Variants in SHROOM3 observed in about 807,000 individuals in gnomAD.
SHROOM3 encodes the protein shroom family member 3, also known as protein Shroom3.
SHROOM3 carries 47 observed loss-of-function variants against 138.6 expected under a neutral mutation model. The ratio of observed to expected loss-of-function variants is 0.34; its 90% confidence interval spans 0.27 to 0.43. The LOEUF (loss-of-function observed/expected upper bound fraction) is 0.43. Ranked by LOEUF, SHROOM3 falls within the 20% of genes least tolerant of loss-of-function variation. The probability of loss-of-function intolerance (pLI) is 1.00; values close to 1 mark genes in which losing one functional copy is unlikely to be tolerated. For synonymous variants in SHROOM3, 1,062 were observed against 1,063.3 expected (o/e 1.00, Z 0.02); for missense variants, 2,491 against 2,596.5 (o/e 0.96, Z 0.88).
chr4:76,644,665 T>G (rs1376834161), intron 2 of SHROOM3, among the ~76,000 whole-genome samples: 5 of 152,162 alleles, frequency 3.3e-5, no homozygotes, highest in Non-Finnish European at 7.3e-5. Context: ...CATTGTGTAA[T>G]AATCAAATCA....
At position 76,436,089 on chromosome 4, in the gene SHROOM3, G is replaced by A. The variant is rs779035373; in HGVS notation, c.37G>A (p.Ala13Thr). 1.9e-6 allele frequency: 3 copies of A among 1,614,010 alleles called. No homozygotes were observed. The highest frequency in any genetic ancestry group is 2.2e-5 in the South Asian group (2 of 91,074). ...CACTGAAGACTTCCACAAGCCTAGT[G>A]CCACATTAAACTCTAACACGGCCAC... Reference protein sequence around the residue: ...RTTEDFHKPSATLNSNTATKG... With the variant: ...RTTEDFHKPSTTLNSNTATKG... The change falls in exon 1 of 11, where the codon GCC becomes ACC. Residue 13 changes from alanine to threonine, a missense_variant. By Grantham distance (58) the Ala-to-Thr change is moderately conservative. This residue lies in a region of SHROOM3 where 284 missense variants were observed against 322.8 expected (regional missense o/e 0.88). Transcript: ENST00000296043.
chr4:76,685,750 G>A (rs1022125011), intron 2 of SHROOM3, among the ~76,000 whole-genome samples: 2 of 152,110 alleles, frequency 1.3e-5, no homozygotes, highest in South Asian at 2.1e-4. Flanking sequence ...AGGCTGACAC[G>A]GGCAGATCAC....
At chr4:76,735,038 G>C (rs1720994426) in intron 4 of SHROOM3, among the ~76,000 whole-genome samples, 1 of 152,098 alleles carries the variant, frequency 6.6e-6, no homozygotes, top group South Asian at 2.1e-4. Flanking sequence ...AAATTTCCTG[G>C]GTTTGAGTTT....
At position 76,555,711 on chromosome 4, in the gene SHROOM3, G is replaced by A; in HGVS notation, c.271G>A (p.Ala91Thr). The A allele has an allele frequency of 6.2e-7, 1 of 1,614,022 alleles. No homozygotes were observed. ...GACTCTGAGCAGCTCCAGAAAGGAG[G>A]CAGTTTCCCTGGTGAAAGGATCCTA... ...EVTLSSSRKE[A>T]VSLVKGSYKT... Residue 91 changes from alanine (A) to threonine (T), a missense_variant, in exon 2 of 11, where the codon GCA becomes ACA. Transcript: ENST00000296043.
intron 2 of SHROOM3, among the ~76,000 whole-genome samples, chr4:76,562,964 G>T (rs1733629618): frequency 6.6e-6 from 1 of 152,082 alleles, no homozygotes; most frequent in Non-Finnish European, 1.5e-5. Flanking sequence ...CCAATTCTCA[G>T]ATATGAAATT....
At chr4:76,610,188 G>A (rs1263255456) in intron 2 of SHROOM3, among the ~76,000 whole-genome samples, 1 of 152,324 alleles carries the variant, frequency 6.6e-6, no homozygotes, top group Non-Finnish European at 1.5e-5. Flanking sequence ...TAACCACCAT[G>A]TGGCAGTTGT....
intron 1 of SHROOM3, among the ~76,000 whole-genome samples, chr4:76,545,093 CTTTTTTTT>C (rs900338107): frequency 2.1e-4 from 32 of 149,898 alleles, no homozygotes; most frequent in South Asian, 1.1e-3. Context: ...TTCTTTTTTT[CTTTTTTTT>C]TTCTTTTTTT....
intron 10 of SHROOM3, among the ~76,000 whole-genome samples, chr4:76,776,584 G>A (rs533361469): frequency 6.6e-6 from 1 of 152,286 alleles, no homozygotes; most frequent in South Asian, 2.1e-4. Context: ...AAAAATGAAA[G>A]ACTAATTACA....
At chr4:76,710,354 G>T in intron 3 of SHROOM3, 67 bp downstream of exon 3, 2 of 1,595,790 alleles carry the variant, frequency 1.3e-6, no homozygotes, top group South Asian at 2.2e-5. Flanking sequence ...CCACTCAGCT[G>T]CTGGGAGAGG....
At chr4:76,626,786 G>A (rs10223020) in intron 2 of SHROOM3, among the ~76,000 whole-genome samples, 44,896 of 151,952 alleles carry the variant, frequency 0.3, 6,985 homozygotes, top group East Asian at 0.51. Flanking sequence ...TGGTCTCTTG[G>A]TCCAAAAGCT....
At chr4:76,589,205 C>T (rs912733437) in intron 2 of SHROOM3, among the ~76,000 whole-genome samples, 13 of 152,366 alleles carry the variant, frequency 8.5e-5, no homozygotes, top group African/African-American at 2.2e-4. Context: ...CGGTGGCTGA[C>T]GCCTGTAATC....
At position 76,741,173 on chromosome 4, in the gene SHROOM3, C is replaced by A; in HGVS notation, c.3000C>A (p.Pro1000=). The A allele has an allele frequency of 6.3e-7, 1 of 1,586,998 alleles. No homozygotes were observed. The highest frequency in any genetic ancestry group is 8.6e-7 in the Non-Finnish European group (1 of 1,167,942). The change falls in exon 5 of 11, where the codon CCC becomes CCA. Residue 1000 remains proline (P), a synonymous_variant. Coordinates refer to ENST00000296043, the MANE Select transcript of SHROOM3 (RefSeq NM_020859.4). This position sits in a 1 kb window ranked among gnomAD's most constrained non-coding sequence, Gnocchi z 6.2. The part of the protein sequence containing the change: ...PAEGDLARPV[P]PAARRGARRR... ...AGGGCGACCTGGCCAGGCCCGTGCC[C>A]CCTGCCGCCCGGAGAGGTGCTCGCC...
At chr4:76,710,818 A>T (rs1720208299) in intron 3 of SHROOM3, among the ~76,000 whole-genome samples, 1 of 152,180 alleles carries the variant, frequency 6.6e-6, no homozygotes, top group Non-Finnish European at 1.5e-5. Context: ...CCCATGTGCT[A>T]GGTGTCCTGG....
In SHROOM3 at chr4:76,552,006, C is replaced by T. The variant is rs377148325; in HGVS notation, c.169-3603C>T. ...CCTCCCGAGTAGCTGGGACTACAGG[C>T]GCCCGCCATCACGCCCGGCTAATTT... is the stretch of plus-strand genomic sequence containing the variant. On this transcript the variant is annotated intron_variant, in intron 1 of 10. Coordinates refer to ENST00000296043, the MANE Select transcript of SHROOM3 (RefSeq NM_020859.4). 2.8e-4 allele frequency among the ~76,000 whole-genome samples: 39 copies of T among 141,134 alleles called. 1 individual carries two copies. Among genetic ancestry groups the T allele is most frequent in the Admixed American group, 1.3e-3 (19 of 14,294 alleles). 92.6% of individuals were successfully genotyped at this position (141,134 alleles called of 152,430 possible).
intron 2 of SHROOM3, among the ~76,000 whole-genome samples, chr4:76,621,880 A>G (rs944845535): frequency 6.2e-5 from 9 of 144,418 alleles, no homozygotes; most frequent in African/African-American, 2.3e-4. Context: ...CCCAGGCTGG[A>G]GTGCAATGAC....
intron 9 of SHROOM3, among the ~76,000 whole-genome samples, chr4:76,761,488 T>C (rs1018510160): frequency 2.6e-5 from 4 of 152,178 alleles, no homozygotes; most frequent in Admixed American, 2.0e-4. Flanking sequence ...CCACATTTTA[T>C]GCTAATCAGA....
chr4:76,493,730 C>T (rs1049186846), intron 1 of SHROOM3, among the ~76,000 whole-genome samples: 1 of 152,102 alleles, frequency 6.6e-6, no homozygotes, highest in Admixed American at 6.5e-5. Context: ...CCTGTAATCC[C>T]AACATTTTGG....
At chr4:76,727,777 A>G (rs1720753082) in intron 3 of SHROOM3, among the ~76,000 whole-genome samples, 1 of 151,272 alleles carries the variant, frequency 6.6e-6, no homozygotes, top group African/African-American at 2.4e-5. Context: ...AATCCCAGCT[A>G]CTTGGGAGGC....
At chr4:76,726,529 A>G (rs1577998522) in intron 3 of SHROOM3, among the ~76,000 whole-genome samples, 1 of 93,026 alleles carries the variant, frequency 1.1e-5, no homozygotes, top group South Asian at 3.4e-4. Context: ...CTCCACTCCC[A>G]TCCCCTCCAT....
Sources: gnomAD v4.1 joint callset for allele counts (sites outside exome capture counted in the v4.1 genomes callset) on GRCh38, gnomAD v4.1.1 for gene constraint, gnomAD v4.1.1 regional missense constraint, Gnocchi (gnomAD v3.1) non-coding constraint, MANE v1.5 for transcripts, NCBI Gene and HGNC (gene_info 2026-07-23, HGNC 2026-07-21) for gene names.